Variants in UTRN observed in about 807,000 individuals in gnomAD.
The protein encoded by UTRN is dystrophin-related protein 1.
Under a neutral mutation model 463.9 loss-of-function variants are expected in UTRN, and 283 were observed. The ratio of observed to expected loss-of-function variants is 0.61; its 90% CI spans 0.55 to 0.67. The LOEUF (loss-of-function observed/expected upper bound fraction) is 0.67, where lower values mean the gene tolerates loss of function less well. UTRN is among the 30% of genes least tolerant of loss of function. The pLI is 0.00. For missense variants in UTRN, 3,922 were observed against 4,084.3 expected (o/e 0.96, Z 1.08); for synonymous variants, 1,442 against 1,431.5 (o/e 1.01, Z -0.17).
intron 2 of UTRN, among the ~76,000 whole-genome samples, chr6:144,297,899 G>C (rs2114523794): frequency 6.6e-6 from 1 of 152,038 alleles, no homozygotes; most frequent in Non-Finnish European, 1.5e-5. Flanking sequence ...CTAAGCAAAG[G>C]AAGTACGTTA....
intron 2 of UTRN, among the ~76,000 whole-genome samples, chr6:144,305,719 G>C (rs1805671703): frequency 6.6e-6 from 1 of 152,252 alleles, no homozygotes; most frequent in Non-Finnish European, 1.5e-5. Context: ...GAGGCAATGT[G>C]TTGAGCCTGG....
chr6:144,390,993 ATTT>A (rs1781859599), intron 2 of UTRN, among the ~76,000 whole-genome samples: 1 of 11,436 alleles, frequency 8.7e-5, no homozygotes, highest in Non-Finnish European at 1.5e-4. Flanking sequence ...TAATTGTTAT[ATTT>A]AATAACAATT....
At chr6:144,300,909 A>G (rs1020934339) in intron 2 of UTRN, among the ~76,000 whole-genome samples, 18 of 152,238 alleles carry the variant, frequency 1.2e-4, no homozygotes, top group Admixed American at 2.0e-4. Flanking sequence ...TATATGACCA[A>G]TTTCTTAAAG....
chr6:144,473,630 A>G, intron 23 of UTRN, 90 bp from the exon 24 acceptor site: 1 of 884,870 alleles, frequency 1.1e-6, no homozygotes, highest in Non-Finnish European at 1.7e-6. Context: ...AGCTTTAAAA[A>G]GTTCCTTTGT....
intron 2 of UTRN, among the ~76,000 whole-genome samples, chr6:144,294,178 T>C (rs1426875211): frequency 6.6e-6 from 1 of 152,144 alleles, no homozygotes; most frequent in East Asian, 1.9e-4. Flanking sequence ...AGGTTATGAC[T>C]ATTACTTTTT....
At chr6:144,702,861 G>A (rs7771184) in intron 53 of UTRN, among the ~76,000 whole-genome samples, 4,204 of 152,224 alleles carry the variant, frequency 0.028, 199 homozygotes, top group African/African-American at 0.096. Flanking sequence ...GGGGTGGCGG[G>A]TGGGAGAAAG....
intron 54 of UTRN, among the ~76,000 whole-genome samples, chr6:144,746,356 A>G (rs1035830370): frequency 6.6e-6 from 1 of 152,166 alleles, no homozygotes; most frequent in Non-Finnish European, 1.5e-5. Context: ...CTAATGATAC[A>G]CTGGCCTTCA....
At chr6:144,449,324 T>C (rs1355284348) in intron 17 of UTRN, among the ~76,000 whole-genome samples, 1 of 152,320 alleles carries the variant, frequency 6.6e-6, no homozygotes, top group East Asian at 1.9e-4. Flanking sequence ...GTTTAAAATA[T>C]ATGCTTAAAA....
chr6:144,513,831 G>A (rs918264434), intron 35 of UTRN, 78 bp from the exon 36 acceptor site: 2 of 1,500,996 alleles, frequency 1.3e-6, no homozygotes, highest in Admixed American at 2.1e-5. Context: ...CTCTTTGAAG[G>A]TCTTTTAAAT....
chr6:144,294,867 A>C (rs1205381548), intron 2 of UTRN, among the ~76,000 whole-genome samples: 1 of 152,190 alleles, frequency 6.6e-6, no homozygotes, highest in Non-Finnish European at 1.5e-5. Context: ...AAGGGTACGT[A>C]ATGAAGTAGT....
At chr6:144,728,125 T>C (rs1161208745) in intron 53 of UTRN, among the ~76,000 whole-genome samples, 1 of 151,654 alleles carries the variant, frequency 6.6e-6, no homozygotes, top group Admixed American at 6.6e-5. Context: ...AAAAGGAATG[T>C]TTACTGCTCC....
At chr6:144,627,519 A>T (rs530649583) in intron 51 of UTRN, among the ~76,000 whole-genome samples, 1 of 152,192 alleles carries the variant, frequency 6.6e-6, no homozygotes, top group African/African-American at 2.4e-5. Context: ...CATTAGAAAC[A>T]TTTACAGTGG....
chr6:144,601,101 C>G (rs922138628), intron 51 of UTRN, among the ~76,000 whole-genome samples: 3 of 152,164 alleles, frequency 2.0e-5, no homozygotes, highest in Non-Finnish European at 2.9e-5. Flanking sequence ...CAAAATATTA[C>G]TGCTATTGAC....
intron 48 of UTRN, 106 bp from the exon 49 acceptor site, chr6:144,554,582 C>T: frequency 8.3e-7 from 1 of 1,201,202 alleles, no homozygotes; most frequent in East Asian, 2.5e-5. Context: ...AGCTTGCCTT[C>T]TTCTGTTTAT....
chr6:144,581,274 T>G (rs2128626654), intron 51 of UTRN, among the ~76,000 whole-genome samples: 1 of 152,358 alleles, frequency 6.6e-6, no homozygotes, highest in East Asian at 1.9e-4. Context: ...AGTGCATTTA[T>G]TCTTAATGTG....
At chr6:144,322,587 A>G (rs1214083223) in intron 2 of UTRN, among the ~76,000 whole-genome samples, 6 of 152,218 alleles carry the variant, frequency 3.9e-5, no homozygotes, top group Non-Finnish European at 8.8e-5. Flanking sequence ...TATCTTCCAC[A>G]CAGGGACTCA....
At chr6:144,400,615 T>C (rs917908555) in intron 2 of UTRN, among the ~76,000 whole-genome samples, 6 of 152,228 alleles carry the variant, frequency 3.9e-5, no homozygotes, top group Admixed American at 3.3e-4. Flanking sequence ...TATGTGTGTT[T>C]GTATGTGTGT....
intron 61 of UTRN, among the ~76,000 whole-genome samples, chr6:144,784,945 A>T (rs535115922): frequency 6.6e-5 from 10 of 152,368 alleles, no homozygotes; most frequent in African/African-American, 2.4e-4. Flanking sequence ...GTAGCTTTCT[A>T]TCTTGGAGAG....
At chr6:144,686,171 T>C (rs1782736537) in intron 52 of UTRN, among the ~76,000 whole-genome samples, 1 of 152,204 alleles carries the variant, frequency 6.6e-6, no homozygotes, top group Non-Finnish European at 1.5e-5. Context: ...TTCCAATTTA[T>C]GTTTTTGTGT....
Sources: gnomAD v4.1 joint callset for allele counts (sites outside exome capture counted in the v4.1 genomes callset) on GRCh38, gnomAD v4.1.1 for gene constraint, MANE v1.5 for transcripts, NCBI Gene and HGNC (gene_info 2026-07-23, HGNC 2026-07-21) for gene names.